The following ANK2 variants were observed in gnomAD, a reference collection of about 807,000 sequenced individuals.
The protein encoded by ANK2 is ankyrin-2.
Under a neutral mutation model 360.5 loss-of-function variants are expected in ANK2, and 83 were observed. The observed-to-expected ratio is 0.23, with a 90% CI of 0.19 to 0.28. The LOEUF is 0.28. ANK2 is among the 10% of genes least tolerant of loss of function. ANK2 has a pLI of 1.00. For missense variants in ANK2, 4,201 were observed against 4,795.7 expected (o/e 0.88, Z 3.66); for synonymous variants, 1,740 against 1,759.5 (o/e 0.99, Z 0.28).
upstream of ANK2, among the ~76,000 whole-genome samples, chr4:112,816,267 T>C (rs1423677956): frequency 6.6e-6 from 1 of 152,214 alleles, no homozygotes; most frequent in Non-Finnish European, 1.5e-5. Flanking sequence ...GTAGAAACAG[T>C]AGTAGACTTG....
the ANK2 span, among the ~76,000 whole-genome samples, chr4:112,724,108 A>C: frequency 6.9e-6 from 1 of 145,730 alleles, no homozygotes; most frequent in Admixed American, 7.2e-5. Flanking sequence ...TCTGTCACCC[A>C]GGCTGGAGTG....
At chr4:112,706,603 G>A in the ANK2 span, 2 of 152,452 alleles carry the variant, frequency 1.3e-5, no homozygotes, top group African/African-American at 4.8e-5. Flanking sequence ...GTGCCCCTGG[G>A]GGAAAGGTAC....
At chr4:112,929,369 A>C (rs897057151) in intron 2 of ANK2, among the ~76,000 whole-genome samples, 3 of 152,252 alleles carry the variant, frequency 2.0e-5, no homozygotes, top group Non-Finnish European at 4.4e-5. Context: ...TTCATTAAGT[A>C]AATATCTGTT....
intron 5 of ANK2, among the ~76,000 whole-genome samples, chr4:113,233,104 CTGTTTTTTTTTTTTTTTTTTTTTTTTTTT>C (rs1221380675): frequency 1.0e-4 from 3 of 29,304 alleles, no homozygotes; most frequent in African/African-American, 2.8e-4. Flanking sequence ...CTTGGCTTTT[CTGTTTTTTTTTTTTTTTTTTTTTTTTTTT>C]TTTTTTTTTT....
At chr4:113,107,447 C>T (rs894911453) in intron 1 of ANK2, among the ~76,000 whole-genome samples, 3 of 151,716 alleles carry the variant, frequency 2.0e-5, no homozygotes, top group African/African-American at 7.3e-5. Context: ...GAACTCCTGA[C>T]CTCAGGTGAT....
chr4:113,335,211 T>G (rs2093343612), intron 29 of ANK2, among the ~76,000 whole-genome samples: 1 of 152,212 alleles, frequency 6.6e-6, no homozygotes, highest in Non-Finnish European at 1.5e-5. Context: ...TTAAATGTTA[T>G]TTTTGGAAAT....
intron 22 of ANK2, among the ~76,000 whole-genome samples, chr4:113,298,770 T>C (rs2073317745): frequency 6.6e-6 from 1 of 152,214 alleles, no homozygotes; most frequent in African/African-American, 2.4e-5. Flanking sequence ...GAAAGAGATG[T>C]CCATGATCAT....
At chr4:113,154,471 T>C (rs1173752740) in intron 1 of ANK2, among the ~76,000 whole-genome samples, 1 of 152,212 alleles carries the variant, frequency 6.6e-6, no homozygotes, top group Non-Finnish European at 1.5e-5. Context: ...TGAGGGCTAG[T>C]ACAATATCTT....
chr4:112,974,246 G>T (rs1479363972), intron 2 of ANK2, among the ~76,000 whole-genome samples: 1 of 152,146 alleles, frequency 6.6e-6, no homozygotes, highest in African/African-American at 2.4e-5. Flanking sequence ...TGTGTTATTT[G>T]TGGGAACACA....
chr4:113,006,823 C>T (rs1051957849), intron 2 of ANK2, among the ~76,000 whole-genome samples: 1 of 151,320 alleles, frequency 6.6e-6, no homozygotes, highest in Non-Finnish European at 1.5e-5. Context: ...TATCCTGCCT[C>T]ATGGTGGGGC....
intron 1 of ANK2, among the ~76,000 whole-genome samples, chr4:113,063,837 G>A (rs1461883343): frequency 6.6e-6 from 1 of 152,066 alleles, no homozygotes. Context: ...TCTTGCTAAT[G>A]TCCAACTAAA....
the ANK2 span, among the ~76,000 whole-genome samples, chr4:112,748,017 C>T: frequency 1.3e-5 from 2 of 152,064 alleles, no homozygotes; most frequent in African/African-American, 4.8e-5. Context: ...ATGTGTTCTA[C>T]ATTAGCTATT....
At chr4:112,911,965 C>G (rs921747968) in intron 2 of ANK2, among the ~76,000 whole-genome samples, 4 of 152,072 alleles carry the variant, frequency 2.6e-5, no homozygotes, top group Non-Finnish European at 4.4e-5. Flanking sequence ...ATCACGAGGT[C>G]AGGAGATCGA....
At position 112,940,866 on chromosome 4, in the gene ANK2, G is replaced by A. The variant is rs912002049; in HGVS notation, c.21+36352G>A. 7.2e-5 allele frequency among the ~76,000 whole-genome samples: 11 copies of A among 152,016 alleles called. 1 individual carries two copies. Among genetic ancestry groups the A allele is most frequent in the Admixed American group, 5.9e-4 (9 of 15,234 alleles). On this transcript the variant is annotated intron_variant, in intron 2 of 30. Transcript: ENST00000503271. ...AAAGCACAGCCGAACAGGGATTCTC[G>A]TGTCAAAGAGTATGATTTATTTATG...
intron 2 of ANK2, among the ~76,000 whole-genome samples, chr4:112,910,985 G>A (rs565293845): frequency 1.4e-3 from 184 of 133,752 alleles, no homozygotes; most frequent in Admixed American, 3.9e-3. Flanking sequence ...TTTAGATGGA[G>A]TCTCGCTCTG....
chr4:113,302,762 T>C lies in ANK2; in HGVS notation c.2476-5T>C, dbSNP rs1455317848. 6.2e-7 allele frequency: 1 copy of C among 1,612,366 alleles called. No homozygotes were observed. Among genetic ancestry groups the C allele is most frequent in the Non-Finnish European group, 8.5e-7 (1 of 1,178,488 alleles). Reference sequence around the variant, plus strand: ...CTTGAACATTAATGATTTTTGTTTTTCCAGACTATTACAGAAAAACACAAA... The same window carrying C: ...CTTGAACATTAATGATTTTTGTTTTCCCAGACTATTACAGAAAAACACAAA... On this transcript the variant is annotated splice_polypyrimidine_tract_variant and splice_region_variant and intron_variant, in intron 22 of 45. Transcript: ENST00000357077.
At chr4:113,308,392 A>C (rs116327970) in intron 23 of ANK2, among the ~76,000 whole-genome samples, 309 of 152,336 alleles carry the variant, frequency 2.0e-3, no homozygotes, top group African/African-American at 7.1e-3. Flanking sequence ...GAAGTCCAGA[A>C]GGCAATTGGA....
the ANK2 span, among the ~76,000 whole-genome samples, chr4:112,720,205 T>G: frequency 2.3e-3 from 346 of 152,320 alleles, 2 homozygotes; most frequent in African/African-American, 7.5e-3. Context: ...CTCCTGTAGC[T>G]TCTATTACTA....
At chr4:113,043,464 T>A (rs1038818881) in intron 2 of ANK2, among the ~76,000 whole-genome samples, 11 of 151,014 alleles carry the variant, frequency 7.3e-5, no homozygotes, top group South Asian at 2.1e-4. Context: ...AGAGACAGGG[T>A]CTCACTATGT....
Sources: allele counts gnomAD v4.1 joint callset (sites outside exome capture counted in the v4.1 genomes callset), GRCh38; gene constraint gnomAD v4.1.1; transcripts MANE v1.5; gene names NCBI Gene and HGNC (gene_info 2026-07-23, HGNC 2026-07-21).